Variants in WDFY4 observed in about 807,000 individuals in gnomAD.
WDFY4 encodes WDFY family member 4.
WDFY4 carries 169 observed loss-of-function variants against 351.9 expected under a neutral mutation model. The observed-to-expected ratio is 0.48, with a 90% CI of 0.42 to 0.55. WDFY4 has a LOEUF of 0.55. Among genes scored for constraint, WDFY4 ranks in the 20% least tolerant of loss-of-function variants. The pLI, the probability that WDFY4 is intolerant of heterozygous loss-of-function variation, is 0.00. For synonymous variants in WDFY4, 1,622 were observed against 1,574.6 expected (o/e 1.03, Z -0.71); for missense variants, 3,803 against 3,935.6 (o/e 0.97, Z 0.90).
intron 20 of WDFY4, 150 bp from the exon 21 acceptor site, chr10:48,788,380 C>A: frequency 9.8e-7 from 1 of 1,024,216 alleles, no homozygotes; most frequent in Non-Finnish European, 1.4e-6. Flanking sequence ...GACATGCAAA[C>A]ATACAATGTG....
chr10:48,724,781 A>G (rs1417294619), intron 5 of WDFY4, among the ~76,000 whole-genome samples: 1 of 152,206 alleles, frequency 6.6e-6, no homozygotes, highest in Non-Finnish European at 1.5e-5. Flanking sequence ...AAGAAGTCAA[A>G]CAAGGGGAAA....
At chr10:48,918,942 A>G (rs538044980) in intron 47 of WDFY4, among the ~76,000 whole-genome samples, 1 of 152,354 alleles carries the variant, frequency 6.6e-6, no homozygotes, top group East Asian at 1.9e-4. Context: ...AACTGCTAGT[A>G]TAGAATAACT....
rs1176029325 is a variant in WDFY4 at position 48,788,559 on chromosome 10, T to G, written c.3838T>G (p.Phe1280Val). The stretch of plus-strand genomic sequence containing the variant: ...GGACCTGGACAGTGAAGCCACGCCC[T>G]TTGTTGCAGAAGAAAGAGTTTCTTT... The part of the protein sequence containing the change: ...GEDLDSEATP[F>V]VAEERVSFGL... Residue 1280 changes from phenylalanine (F) to valine (V), a missense_variant, in exon 21 of 62, where the codon TTT (phenylalanine) becomes GTT (valine). Phe to Val is a conservative substitution (Grantham distance 50). Transcript: ENST00000325239. 6.4e-7 allele frequency: 1 copy of G among 1,552,106 alleles called. No homozygotes were observed. The highest frequency in any genetic ancestry group is 1.4e-5 in the African/African-American group (1 of 73,188).
intron 35 of WDFY4, among the ~76,000 whole-genome samples, chr10:48,825,222 G>T (rs1422500802): frequency 1.3e-5 from 2 of 152,100 alleles, no homozygotes; most frequent in African/African-American, 4.8e-5. Context: ...TTAGTTTTTT[G>T]TTCTTGTGTT....
chr10:48,859,645 C>A (rs1190358347), intron 39 of WDFY4, among the ~76,000 whole-genome samples: 1 of 152,074 alleles, frequency 6.6e-6, no homozygotes, highest in African/African-American at 2.4e-5. Context: ...TGCAGCTATT[C>A]GTGAACAAAT....
intron 39 of WDFY4, among the ~76,000 whole-genome samples, chr10:48,849,243 C>A (rs1233499070): frequency 6.6e-6 from 1 of 152,264 alleles, no homozygotes. Context: ...GGGTTAAGTT[C>A]TAAAGTCTAT....
At chr10:48,911,563 T>C (rs1838005902) in intron 47 of WDFY4, among the ~76,000 whole-genome samples, 1 of 152,234 alleles carries the variant, frequency 6.6e-6, no homozygotes, top group South Asian at 2.1e-4. Flanking sequence ...TCCACAAGAA[T>C]AACTATCTTG....
chr10:48,915,455 A>C (rs1159182340), intron 47 of WDFY4, among the ~76,000 whole-genome samples: 1 of 151,930 alleles, frequency 6.6e-6, no homozygotes, highest in Admixed American at 6.6e-5. Flanking sequence ...ACCAGGCAGA[A>C]GTATGCCCTT....
chr10:48,862,575 G>T (rs1017484496), intron 39 of WDFY4, among the ~76,000 whole-genome samples: 5 of 152,090 alleles, frequency 3.3e-5, no homozygotes, highest in African/African-American at 1.2e-4. Context: ...GCTCAAGGTT[G>T]TTCTATATTA....
rs193106681 is a variant in WDFY4 at position 48,808,396 on chromosome 10, A to G, written c.4838+438A>G. On this transcript the variant is annotated intron_variant, in intron 28 of 61. Coordinates refer to ENST00000325239, the MANE Select transcript of WDFY4 (RefSeq NM_001394531.1). ...TGAGTTTGTTATTTTTCCAAGTTGG[A>G]AAAAGAAGTATCTACCGTCAATTAA... 3.3e-5 allele frequency among the ~76,000 whole-genome samples: 5 copies of G among 152,342 alleles called. No individual in the cohort carries two copies. The East Asian group carries it at 9.6e-4, about 29-fold the overall frequency.
At chr10:48,712,911 T>A (rs1238029484) in intron 2 of WDFY4, among the ~76,000 whole-genome samples, 3 of 152,242 alleles carry the variant, frequency 2.0e-5, no homozygotes, top group Non-Finnish European at 4.4e-5. Flanking sequence ...GAAATCATAC[T>A]CTGCCTGGGC....
At chr10:48,948,589 G>T (rs1841171570) in intron 51 of WDFY4, among the ~76,000 whole-genome samples, 2 of 152,212 alleles carry the variant, frequency 1.3e-5, no homozygotes, top group South Asian at 4.1e-4. Flanking sequence ...AGTCTCAGCT[G>T]TGAGATTTAC....
chr10:48,943,294 G>C, intron 48 of WDFY4, 36 bp from the exon 49 acceptor site: 1 of 1,549,378 alleles, frequency 6.5e-7, no homozygotes, highest in Non-Finnish European at 8.7e-7. Flanking sequence ...AGCATCAAAC[G>C]TATTTGGTTT....
At chr10:48,822,801 C>T (rs1482779340) in intron 35 of WDFY4, among the ~76,000 whole-genome samples, 1 of 152,226 alleles carries the variant, frequency 6.6e-6, no homozygotes, top group Non-Finnish European at 1.5e-5. Flanking sequence ...CTGTAAACTC[C>T]TAGAACCTGC....
At chr10:48,843,461 C>A (rs1047930615) in intron 39 of WDFY4, among the ~76,000 whole-genome samples, 1 of 152,142 alleles carries the variant, frequency 6.6e-6, no homozygotes, top group African/African-American at 2.4e-5. Flanking sequence ...AGAGATGACA[C>A]ATGGTCCTTA....
chr10:48,941,623 G>A lies in WDFY4; in HGVS notation c.7587-183G>A, dbSNP rs1397697239. ...AACCTAACCTTCAGCAGGCCAGGGT[G>A]GGGCAAGAAGAGCTGGATGACAGTC... On this transcript the variant is annotated intron_variant, in intron 47 of 61. Coordinates refer to ENST00000325239, the MANE Select transcript of WDFY4 (RefSeq NM_001394531.1). Among the ~76,000 whole-genome samples, 4 of 152,174 alleles carry A rather than the reference G, an allele frequency of 2.6e-5. No homozygotes were observed. In the East Asian group the frequency reaches 7.7e-4, roughly 29 times the overall value.
chr10:48,772,538 A>ATTT (rs1565180131), intron 13 of WDFY4, among the ~76,000 whole-genome samples: 2 of 30,588 alleles, frequency 6.5e-5, no homozygotes, highest in Non-Finnish European at 1.3e-4. Flanking sequence ...TTTTTTTTGC[A>ATTT]TTTTCTTTTT....
chr10:48,804,894 C>A, intron 25 of WDFY4: 2 of 534,800 alleles, frequency 3.7e-6, no homozygotes, highest in Non-Finnish European at 4.8e-6. Flanking sequence ...TAGTGAAGGG[C>A]CCTGCACTCC....
At position 48,716,350 on chromosome 10, in the gene WDFY4, G is replaced by C. The variant is rs541686712; in HGVS notation, c.235-3661G>C. 5.3e-5 allele frequency among the ~76,000 whole-genome samples: 8 copies of C among 152,270 alleles called. No homozygotes were observed. The South Asian group carries it at 1.0e-3, about 20-fold the overall frequency. On this transcript the variant is annotated intron_variant, in intron 2 of 61. Transcript: ENST00000325239. ...ATTCTTTATTTTCCTTTGGAGACCA[G>C]AGCATCATTTTCTTTCTCTTTCTTC...
Sources: allele counts gnomAD v4.1 joint callset (sites outside exome capture counted in the v4.1 genomes callset), GRCh38; gene constraint gnomAD v4.1.1; transcripts MANE v1.5; gene names NCBI Gene and HGNC (gene_info 2026-07-23, HGNC 2026-07-21).